The following CROCC2 variants were observed in gnomAD, a reference collection of about 807,000 sequenced individuals.
CROCC2 encodes the protein ciliary rootlet coiled-coil protein 2.
In CROCC2, 163 loss-of-function variants were observed where a neutral mutation model predicts 177.6. The ratio of observed to expected loss-of-function variants is 0.92; its 90% CI spans 0.81 to 1.05. CROCC2 has a LOEUF of 1.05. Among genes scored for constraint, CROCC2 ranks in the 50% least tolerant of loss-of-function variants. The pLI, the probability that CROCC2 is intolerant of heterozygous loss-of-function variation, is 0.00. For synonymous variants in CROCC2, 904 were observed against 787.3 expected (o/e 1.15, Z -2.48); for missense variants, 1,929 against 1,797.8 (o/e 1.07, Z -1.32).
chr2:240,966,424 G>A lies in CROCC2; in HGVS notation c.4146+15G>A, dbSNP rs980664428. 5.0e-6 allele frequency: 2 copies of A among 400,506 alleles called. No homozygotes were observed. Among genetic ancestry groups the A allele is most frequent in the African/African-American group, 4.1e-5 (2 of 48,672 alleles). The allele number at this position is 400,506 out of a possible 1,614,324, so 24.8% of individuals were successfully genotyped here. ...AGCGGGAGCGGGTAATGGGGGCTGG[G>A]GTCCTCCCGCCCACGGCGGCACCCC... On this transcript the variant is annotated intron_variant, in intron 25 of 31. Coordinates refer to ENST00000690015, the MANE Select transcript of CROCC2 (RefSeq NM_001351305.2).
chr2:240,954,353 T>A (rs2059577155), intron 18 of CROCC2, among the ~76,000 whole-genome samples: 1 of 152,304 alleles, frequency 6.6e-6, no homozygotes. Flanking sequence ...CACCCACACT[T>A]CTGACCACCT....
chr2:240,912,510 A>T (rs1466637389), intron 1 of CROCC2, among the ~76,000 whole-genome samples: 2 of 152,242 alleles, frequency 1.3e-5, no homozygotes, highest in African/African-American at 2.4e-5. Context: ...ACAACTCAGG[A>T]CTAGCCGGAA....
intron 28 of CROCC2, chr2:240,983,726 G>A (rs1424014937): frequency 2.3e-6 from 2 of 862,816 alleles, no homozygotes; most frequent in African/African-American, 1.8e-5. Flanking sequence ...CAGGACGCCC[G>A]CAGGTGGCCA....
intron 14 of CROCC2, among the ~76,000 whole-genome samples, chr2:240,935,846 G>A (rs1010848812): frequency 3.9e-5 from 6 of 152,246 alleles, no homozygotes; most frequent in Non-Finnish European, 7.3e-5. Context: ...CCTCAGGCCA[G>A]TGACTTCTGC....
intron 10 of CROCC2, 51 bp from the exon 11 acceptor site, chr2:240,933,619 G>A (rs749572915): frequency 9.8e-6 from 15 of 1,525,556 alleles, no homozygotes; most frequent in East Asian, 4.9e-5. Context: ...GGCACGCGGT[G>A]CACCTTGAAT....
intron 4 of CROCC2, among the ~76,000 whole-genome samples, chr2:240,925,508 A>C (rs2059390470): frequency 1.3e-5 from 2 of 152,172 alleles, no homozygotes; most frequent in Admixed American, 1.3e-4. Flanking sequence ...CTGGGCTGGC[A>C]CCTGGGAGAG....
rs560074682 is a variant in CROCC2 at position 240,950,489 on chromosome 2, A to G, written c.2808A>G (p.Gln936=). The G allele has an allele frequency of 4.5e-6, 7 of 1,549,860 alleles. No individual in the cohort carries two copies. Among genetic ancestry groups the G allele is most frequent in the East Asian group, 4.9e-5 (2 of 40,920 alleles). The change falls in exon 18 of 32, where the codon CAA becomes CAG. Residue 936 remains glutamine (Q), a synonymous_variant. Transcript: ENST00000690015. The stretch of plus-strand genomic sequence containing the variant: ...AGGAGCGGGACGAGAGCCTTCTCCA[A>G]CTGGAGCACAAGATGCAACAGGTGA... The part of the protein sequence containing the change: ...LKQERDESLL[Q]LEHKMQQALS...
At chr2:240,943,732 G>A (rs183663846) in intron 14 of CROCC2, among the ~76,000 whole-genome samples, 5 of 151,902 alleles carry the variant, frequency 3.3e-5, no homozygotes, top group South Asian at 2.1e-4. Context: ...TGCCCACCTC[G>A]GCCTCCCTAA....
Position 240,946,128 on chromosome 2 carries a change from G to T in CROCC2, c.2238G>T (p.Met746Ile), listed in dbSNP as rs1391919475. The change falls in exon 15 of 32, where the codon ATG becomes ATT. Residue 746 changes from methionine to isoleucine, a missense_variant. Met to Ile is a conservative substitution (Grantham distance 10). Coordinates refer to ENST00000690015, the MANE Select transcript of CROCC2 (RefSeq NM_001351305.2). ...AQSLQDQEAQ[M>I]GTLQQALQGK... Reference sequence around the variant, plus strand: ...GCCTGCAGGACCAGGAGGCCCAGATGGGCACTCTGCAGCAAGCCCTGCAAG... The same window carrying T: ...GCCTGCAGGACCAGGAGGCCCAGATTGGCACTCTGCAGCAAGCCCTGCAAG... The T allele has an allele frequency of 1.3e-6, 2 of 1,546,322 alleles. No individual in the cohort carries two copies. Among genetic ancestry groups the T allele is most frequent in the African/African-American group, 1.4e-5 (1 of 72,994 alleles).
chr2:240,948,877 C>A, intron 15 of CROCC2, 102 bp from the exon 16 acceptor site: 1 of 1,046,624 alleles, frequency 9.6e-7, no homozygotes, highest in South Asian at 1.4e-5. Context: ...CATTTATTTG[C>A]ATTTCAGCTG....
intron 19 of CROCC2, among the ~76,000 whole-genome samples, chr2:240,956,657 T>C (rs2059592346): frequency 6.6e-6 from 1 of 152,150 alleles, no homozygotes; most frequent in Non-Finnish European, 1.5e-5. Context: ...GCAGCAAATA[T>C]GGCACTGGGC....
At chr2:240,983,547 A>C (rs2059816352) in intron 28 of CROCC2, 1 of 1,272,626 alleles carries the variant, frequency 7.9e-7, no homozygotes, top group Non-Finnish European at 1.0e-6. Flanking sequence ...CTGCAGGGGG[A>C]GCTCGCGGCG....
chr2:240,922,659 C>A lies in CROCC2; in HGVS notation c.488+14C>A, dbSNP rs1445409559. On this transcript the variant is annotated intron_variant, in intron 4 of 31. Coordinates refer to ENST00000690015, the MANE Select transcript of CROCC2 (RefSeq NM_001351305.2). Reference sequence around the variant, plus strand: ...TGCCGAGGAGAGGTGAGGCCAGGTGCGGGGCAGTCAGGGCTGCAGGAAGCA... The same window carrying A: ...TGCCGAGGAGAGGTGAGGCCAGGTGAGGGGCAGTCAGGGCTGCAGGAAGCA... The A allele has an allele frequency of 3.3e-6, 2 of 601,200 alleles. No individual in the cohort carries two copies. The highest frequency in any genetic ancestry group is 1.9e-5 in the African/African-American group (1 of 52,638). 37.2% of individuals were successfully genotyped at this position (601,200 alleles called of 1,614,324 possible).
intron 5 of CROCC2, among the ~76,000 whole-genome samples, chr2:240,929,036 G>T (rs1049374373): frequency 6.6e-6 from 1 of 152,038 alleles, no homozygotes; most frequent in African/African-American, 2.4e-5. Context: ...GCACAGAGGG[G>T]CATGCCCTCT....
chr2:240,928,027 A>G (rs1360092390), intron 5 of CROCC2, among the ~76,000 whole-genome samples: 1 of 152,210 alleles, frequency 6.6e-6, no homozygotes, highest in African/African-American at 2.4e-5. Flanking sequence ...CCTGTGTCTG[A>G]CTATCCAATA....
chr2:240,923,587 A>G (rs1465722878), intron 4 of CROCC2, among the ~76,000 whole-genome samples: 3 of 35,292 alleles, frequency 8.5e-5, no homozygotes, highest in South Asian at 1.5e-3. Flanking sequence ...TCCCCACACT[A>G]ACCCAGCCCC....
At chr2:240,934,000 G>A in intron 11 of CROCC2, 148 bp downstream of exon 11, 4 of 872,654 alleles carry the variant, frequency 4.6e-6, no homozygotes, top group East Asian at 2.7e-5. Context: ...AGGGGCGGGG[G>A]CTCTCCAGGC....
intron 1 of CROCC2, among the ~76,000 whole-genome samples, chr2:240,907,771 G>A (rs78733876): frequency 1.7e-4 from 25 of 145,054 alleles, no homozygotes; most frequent in African/African-American, 4.8e-4. Flanking sequence ...TCCACCTGGC[G>A]TGAGCTCTAC....
chr2:240,983,472 A>G, intron 28 of CROCC2: 4 of 1,243,454 alleles, frequency 3.2e-6, no homozygotes, highest in Non-Finnish European at 4.1e-6. Context: ...GAGGCGGCCG[A>G]GGCGCAGGCG....
Sources: allele counts gnomAD v4.1 joint callset (sites outside exome capture counted in the v4.1 genomes callset), GRCh38; gene constraint gnomAD v4.1.1; transcripts MANE v1.5; gene names NCBI Gene and HGNC (gene_info 2026-07-23, HGNC 2026-07-21).